PTPRD: variants seen among roughly 807,000 people sequenced by gnomAD.
The protein encoded by PTPRD is protein tyrosine phosphatase receptor type D, also known as receptor-type tyrosine-protein phosphatase delta.
A neutral mutation model predicts 214.5 loss-of-function variants in PTPRD; 34 were observed. That is an observed-to-expected ratio of 0.16 (90% confidence interval 0.12 to 0.21). The LOEUF is 0.21. Ranked by LOEUF, PTPRD falls within the 10% of genes least tolerant of loss-of-function variation. The pLI is 1.00. For missense variants in PTPRD, 2,545 were observed against 2,398.7 expected, an observed-to-expected ratio of 1.06 and a Z score of -1.27; for synonymous variants, 1,128 against 845.7, an observed-to-expected ratio of 1.33 and a Z score of -5.79.
chr9:9,286,677 G>A (rs904920082), intron 9 of PTPRD, among the ~76,000 whole-genome samples: 5 of 150,486 alleles, frequency 3.3e-5, no homozygotes, highest in Admixed American at 2.7e-4. Context: ...CAATCCATTG[G>A]CTCCTTGTCT....
chr9:10,553,568 T>C (rs1461578010), intron 2 of PTPRD, among the ~76,000 whole-genome samples: 1 of 125,596 alleles, frequency 8.0e-6, no homozygotes, highest in Non-Finnish European at 2.0e-5. Flanking sequence ...ACTTTCTTTT[T>C]ATAACACAAA....
intron 12 of PTPRD, among the ~76,000 whole-genome samples, chr9:8,724,727 A>T (rs2098539143): frequency 6.6e-6 from 1 of 151,956 alleles, no homozygotes; most frequent in Admixed American, 6.6e-5. Context: ...TGAGCCCAGG[A>T]TTCTGAGACC....
intron 14 of PTPRD, among the ~76,000 whole-genome samples, chr9:8,627,318 G>A (rs866854048): frequency 4.6e-5 from 7 of 151,858 alleles, no homozygotes; most frequent in African/African-American, 1.4e-4. Flanking sequence ...GGCCAAACCC[G>A]ATGAAAATCT....
At chr9:9,261,647 CGTGT>C (rs5896314) in intron 9 of PTPRD, among the ~76,000 whole-genome samples, 2,513 of 147,980 alleles carry the variant, frequency 0.017, 53 homozygotes, top group African/African-American at 0.05. Context: ...TGTGCATGCA[CGTGT>C]GTGTGTGTGT....
chr9:8,496,569 A>T (rs1484938073), intron 26 of PTPRD, among the ~76,000 whole-genome samples: 1 of 152,176 alleles, frequency 6.6e-6, no homozygotes, highest in African/African-American at 2.4e-5. Flanking sequence ...TCAGCGACAT[A>T]CTTTCTACTT....
At chr9:8,717,665 T>G (rs543606883) in intron 12 of PTPRD, among the ~76,000 whole-genome samples, 4 of 152,352 alleles carry the variant, frequency 2.6e-5, no homozygotes, top group African/African-American at 9.6e-5. Flanking sequence ...AAATTAGCTA[T>G]GCTTGATCCT....
chr9:9,769,071 T>A (rs1012774668), intron 5 of PTPRD, among the ~76,000 whole-genome samples: 1 of 152,058 alleles, frequency 6.6e-6, no homozygotes, highest in Admixed American at 6.6e-5. Context: ...AACTTTAATA[T>A]AGGCTAATAT....
intron 7 of PTPRD, among the ~76,000 whole-genome samples, chr9:9,709,996 C>A (rs1350020874): frequency 1.3e-5 from 2 of 151,838 alleles, no homozygotes; most frequent in African/African-American, 4.8e-5. Flanking sequence ...CAGTGAATAG[C>A]ATCATGCTGA....
intron 36 of PTPRD, among the ~76,000 whole-genome samples, chr9:8,396,837 T>C (rs2091307196): frequency 6.6e-6 from 1 of 152,130 alleles, no homozygotes; most frequent in Non-Finnish European, 1.5e-5. Context: ...TGCTCCAGGT[T>C]TCCCAGGCTA....
At chr9:10,320,418 C>T (rs2096532631) in intron 3 of PTPRD, among the ~76,000 whole-genome samples, 1 of 151,952 alleles carries the variant, frequency 6.6e-6, no homozygotes, top group Admixed American at 6.6e-5. Flanking sequence ...AGGTTTCCTC[C>T]TAAAAAGGTA....
intron 14 of PTPRD, among the ~76,000 whole-genome samples, chr9:8,609,594 G>A (rs2095366682): frequency 6.6e-6 from 1 of 152,126 alleles, no homozygotes; most frequent in South Asian, 2.1e-4. Context: ...CCACAGAACA[G>A]GAGCAATTTA....
intron 3 of PTPRD, among the ~76,000 whole-genome samples, chr9:10,187,962 A>C (rs2099345666): frequency 6.6e-6 from 1 of 152,140 alleles, no homozygotes; most frequent in African/African-American, 2.4e-5. Context: ...TTGTTTATGG[A>C]ATCCATATTA....
intron 11 of PTPRD, among the ~76,000 whole-genome samples, chr9:8,945,458 C>T (rs10977388): frequency 6.6e-6 from 1 of 151,672 alleles, no homozygotes; most frequent in Admixed American, 6.6e-5. Flanking sequence ...TACTGCTGTC[C>T]TCACTTTATT....
chr9:10,510,742 A>C (rs1182856239), intron 2 of PTPRD, among the ~76,000 whole-genome samples: 1 of 152,120 alleles, frequency 6.6e-6, no homozygotes, highest in Non-Finnish European at 1.5e-5. Context: ...TAGTTATTTT[A>C]AAATTTAGAG....
chr9:9,104,463 C>T (rs1173498945), intron 10 of PTPRD, among the ~76,000 whole-genome samples: 3 of 152,142 alleles, frequency 2.0e-5, no homozygotes, highest in East Asian at 1.9e-4. Context: ...AACATATATA[C>T]TCCATTCCTA....
chr9:9,546,187 T>A (rs1194791745), intron 8 of PTPRD, among the ~76,000 whole-genome samples: 1 of 151,702 alleles, frequency 6.6e-6, no homozygotes, highest in Non-Finnish European at 1.5e-5. Context: ...TAATCTTAGA[T>A]CCTGAAGCTC....
intron 4 of PTPRD, among the ~76,000 whole-genome samples, chr9:10,027,297 T>C (rs948098793): frequency 6.6e-6 from 1 of 152,146 alleles, no homozygotes; most frequent in Non-Finnish European, 1.5e-5. Flanking sequence ...TTGTTAAAAA[T>C]AGTTGTTTGA....
chr9:8,333,617 C>CCAT (rs553041500), intron 43 of PTPRD, among the ~76,000 whole-genome samples: 69 of 152,112 alleles, frequency 4.5e-4, no homozygotes, highest in African/African-American at 1.4e-3. Context: ...ATTGTAAAGA[C>CCAT]CATCAACGCT....
chr9:8,411,214 A>G (rs545871910), intron 35 of PTPRD, among the ~76,000 whole-genome samples: 1 of 152,248 alleles, frequency 6.6e-6, no homozygotes, highest in Non-Finnish European at 1.5e-5. Context: ...CCAAATAAGA[A>G]TCCAAAAAAG....
Sources: allele counts gnomAD v4.1 joint callset (sites outside exome capture counted in the v4.1 genomes callset), GRCh38; gene constraint gnomAD v4.1.1; transcripts MANE v1.5; gene names NCBI Gene and HGNC (gene_info 2026-07-23, HGNC 2026-07-21).